Variants in ALK observed in about 807,000 individuals in gnomAD.
ALK encodes the protein ALK tyrosine kinase receptor.
ALK carries 74 observed loss-of-function variants against 163.1 expected under a neutral mutation model. That is an observed-to-expected ratio of 0.45 (90% CI 0.38 to 0.55). The LOEUF is 0.55. Among genes scored for constraint, ALK ranks in the 20% least tolerant of loss-of-function variants. ALK has a pLI of 0.00. For missense variants in ALK, 2,063 were observed against 2,105.3 expected, an observed-to-expected ratio of 0.98 and a Z score of 0.39; for synonymous variants, 960 against 843.2, an observed-to-expected ratio of 1.14 and a Z score of -2.40.
chr2:29,338,871 T>C (rs1463783507), intron 5 of ALK, among the ~76,000 whole-genome samples: 2 of 152,204 alleles, frequency 1.3e-5, no homozygotes, highest in African/African-American at 4.8e-5. Context: ...ACTGCAGAAA[T>C]TGCACCCACC....
intron 5 of ALK, among the ~76,000 whole-genome samples, chr2:29,381,949 A>G (rs566004793): frequency 3.2e-4 from 49 of 152,322 alleles, no homozygotes; most frequent in East Asian, 1.7e-3. Flanking sequence ...CTTGTTCTTC[A>G]CTATTCTCTG....
chr2:29,357,505 A>C (rs1034266421), intron 5 of ALK, among the ~76,000 whole-genome samples: 1 of 152,222 alleles, frequency 6.6e-6, no homozygotes, highest in Non-Finnish European at 1.5e-5. Flanking sequence ...TATTCCTGAA[A>C]TCTCAGCAGT....
chr2:29,604,690 C>G (rs146955069), intron 3 of ALK, among the ~76,000 whole-genome samples: 7 of 152,316 alleles, frequency 4.6e-5, no homozygotes, highest in Non-Finnish European at 1.0e-4. Context: ...GGTTTCCATT[C>G]CATTATAAAA....
chr2:29,618,343 A>T lies in ALK; in HGVS notation c.952+76507T>A, dbSNP rs975405854. Among the ~76,000 whole-genome samples, 7 of 152,260 alleles carry T rather than the reference A, an allele frequency of 4.6e-5. No individual in the cohort carries two copies. In the South Asian group the frequency reaches 1.0e-3, roughly 23 times the overall value. On this transcript the variant is annotated intron_variant, in intron 3 of 28. Transcript: ENST00000389048. Reference sequence around the variant, plus strand: ...GGCAAAAATGGTTGAGTGTCAGATGACTATAATACAATTTTAATTTAAGAT... The same window carrying T: ...GGCAAAAATGGTTGAGTGTCAGATGTCTATAATACAATTTTAATTTAAGAT...
intron 2 of ALK, among the ~76,000 whole-genome samples, chr2:29,705,772 T>C (rs1678891820): frequency 6.6e-6 from 1 of 152,186 alleles, no homozygotes; most frequent in Non-Finnish European, 1.5e-5. Flanking sequence ...TGCAATAGTG[T>C]ATGTTGAGTG....
intron 11 of ALK, among the ~76,000 whole-genome samples, chr2:29,265,993 A>G (rs1558645118): frequency 6.6e-6 from 1 of 152,198 alleles, no homozygotes; most frequent in Non-Finnish European, 1.5e-5. Context: ...CTCAAAAAAC[A>G]AAACAAAACA....
At chr2:29,343,129 A>G (rs1264690533) in intron 5 of ALK, among the ~76,000 whole-genome samples, 4 of 148,488 alleles carry the variant, frequency 2.7e-5, no homozygotes, top group Non-Finnish European at 6.0e-5. Context: ...CTCGTGATCC[A>G]CCCACCTTGG....
chr2:29,259,711 A>G (rs1282583379), intron 11 of ALK, among the ~76,000 whole-genome samples: 1 of 152,130 alleles, frequency 6.6e-6, no homozygotes, highest in Non-Finnish European at 1.5e-5. Context: ...TTACTAGAAT[A>G]CACATTGGTA....
rs553326720 is a variant in ALK at position 29,474,797 on chromosome 2, G to C, written c.1154+57118C>G. Among the ~76,000 whole-genome samples, 4 of 149,380 alleles carry C rather than the reference G, an allele frequency of 2.7e-5. No individual in the cohort carries two copies. The East Asian group carries it at 6.3e-4, about 24-fold the overall frequency. On this transcript the variant is annotated intron_variant, in intron 4 of 28. Coordinates refer to ENST00000389048, the MANE Select transcript of ALK (RefSeq NM_004304.5). Reference sequence around the variant, plus strand: ...AGGTTTAGTTCAGGCTGATTTTCTAGTGCGATATAAGTGGGGGAGAGGTGG... The same window carrying C: ...AGGTTTAGTTCAGGCTGATTTTCTACTGCGATATAAGTGGGGGAGAGGTGG...
chr2:29,580,362 G>A (rs1265186043), intron 3 of ALK, among the ~76,000 whole-genome samples: 3 of 152,042 alleles, frequency 2.0e-5, no homozygotes, highest in Non-Finnish European at 4.4e-5. Flanking sequence ...AGATGCACTC[G>A]CTTCGGTGTC....
rs150292424 is a variant in ALK at position 29,265,958 on chromosome 2, C to A, written c.2041+9141G>T. On this transcript the variant is annotated intron_variant, in intron 11 of 28. Transcript: ENST00000389048. Reference sequence around the variant, plus strand: ...CAAGATCACGGCACTGCACTCCAGCCTGGGTGACAAGAGCGAAACTCCATC... The same window carrying A: ...CAAGATCACGGCACTGCACTCCAGCATGGGTGACAAGAGCGAAACTCCATC... Among the ~76,000 whole-genome samples, 17 of 152,284 alleles carry A rather than the reference C, an allele frequency of 1.1e-4. No individual in the cohort carries two copies. In the East Asian group the frequency reaches 3.1e-3, roughly 28 times the overall value.
intron 4 of ALK, among the ~76,000 whole-genome samples, chr2:29,493,315 G>C (rs115952779): frequency 6.6e-6 from 1 of 152,006 alleles, no homozygotes; most frequent in African/African-American, 2.4e-5. Flanking sequence ...TAATTACTCC[G>C]CTGTTTCAGG....
At chr2:29,335,351 A>G (rs73920789) in intron 5 of ALK, among the ~76,000 whole-genome samples, 28,342 of 152,202 alleles carry the variant, frequency 0.19, 3,027 homozygotes, top group African/African-American at 0.29. Flanking sequence ...TAGCATTTTA[A>G]TAGCTTACAA....
intron 3 of ALK, among the ~76,000 whole-genome samples, chr2:29,602,471 C>T (rs1372345475): frequency 6.6e-6 from 1 of 152,150 alleles, no homozygotes; most frequent in African/African-American, 2.4e-5. Flanking sequence ...CACCAGGCCA[C>T]CTGCTTGGAG....
rs558146687 is a variant in ALK at position 29,749,509 on chromosome 2, A to G, written c.668-31812T>C. Among the ~76,000 whole-genome samples the G allele has an allele frequency of 1.4e-4, 21 of 152,282 alleles. No homozygotes were observed. In the East Asian group the frequency reaches 2.7e-3, roughly 20 times the overall value. ...TAAATAAATATTCTTAGGACCCCAG[A>G]GAGACATGTGGGACTGCTGACCAAC... is the stretch of plus-strand genomic sequence containing the variant. On this transcript the variant is annotated intron_variant, in intron 1 of 28. Transcript: ENST00000389048.
At chr2:29,829,139 G>A (rs1665290977) in intron 1 of ALK, among the ~76,000 whole-genome samples, 1 of 122,516 alleles carries the variant, frequency 8.2e-6, no homozygotes, top group South Asian at 3.0e-4. Context: ...CACAGGAAGG[G>A]GAACATCATA....
chr2:29,842,063 A>C (rs1665716381), intron 1 of ALK, among the ~76,000 whole-genome samples: 2 of 146,098 alleles, frequency 1.4e-5, no homozygotes, highest in African/African-American at 2.5e-5. Flanking sequence ...CTTTTTCTCC[A>C]TCCTCCCCCC....
chr2:29,436,069 C>A lies in ALK; in HGVS notation c.1155-52210G>T, dbSNP rs1670388096. On this transcript the variant is annotated intron_variant, in intron 4 of 28. Coordinates refer to ENST00000389048, the MANE Select transcript of ALK (RefSeq NM_004304.5). ...AAATTCCAGTATCAAGCAAATGATA[C>A]TGGAATTTAAGTATCATTCCAGTAT... 2.0e-5 allele frequency among the ~76,000 whole-genome samples: 3 copies of A among 152,094 alleles called. No homozygotes were observed. In the South Asian group the frequency reaches 6.2e-4, roughly 32 times the overall value.
At chr2:29,363,180 G>C (rs1668423011) in intron 5 of ALK, among the ~76,000 whole-genome samples, 1 of 152,184 alleles carries the variant, frequency 6.6e-6, no homozygotes, top group African/African-American at 2.4e-5. Flanking sequence ...TTCTAAGAAT[G>C]TGGGTTTCAG....
Sources: allele counts gnomAD v4.1 joint callset (sites outside exome capture counted in the v4.1 genomes callset), GRCh38; gene constraint gnomAD v4.1.1; transcripts MANE v1.5; gene names NCBI Gene and HGNC (gene_info 2026-07-23, HGNC 2026-07-21).